NEXMIF: variants seen among roughly 807,000 people sequenced by gnomAD.
NEXMIF encodes the protein XLMR protein related to neurite extension.
NEXMIF carries 8 observed loss-of-function variants against 62.1 expected under a neutral mutation model. That is an observed-to-expected ratio of 0.13 (90% CI 0.08 to 0.23). NEXMIF has a LOEUF of 0.23. Ranked by LOEUF, NEXMIF falls within the 10% of genes least tolerant of loss-of-function variation. NEXMIF has a pLI of 1.00. For missense variants in NEXMIF, 976 were observed against 1,113.3 expected, an observed-to-expected ratio of 0.88 and a Z score of 1.75; for synonymous variants, 404 against 416.6, an observed-to-expected ratio of 0.97 and a Z score of 0.37.
chrX:74,767,871 C>T (rs1317576858), intron 1 of NEXMIF, among the ~76,000 whole-genome samples: 2 of 112,229 alleles, frequency 1.8e-5, no homozygotes, highest in African/African-American at 6.5e-5. Flanking sequence ...AAGTTCCAAG[C>T]CAGTGGGTCT....
rs1472053596 is a variant in NEXMIF at position 74,925,179 on chromosome X, C to T, written c.-344G>A. ...CTGGCCCTGAAACTCAGAGCCTCCG[C>T]GGCTGCCCGGCTGCTCCAAGGGTCC... On this transcript the variant is annotated 5_prime_UTR_variant, in exon 1 of 4. Coordinates refer to ENST00000055682, the MANE Select transcript of NEXMIF (RefSeq NM_001008537.3). 8.6e-6 allele frequency: 1 copy of T among 115,839 alleles called. No individual in the cohort carries two copies. Among genetic ancestry groups the T allele is most frequent in the African/African-American group, 3.2e-5 (1 of 31,208 alleles). The allele number at this position is 115,839 out of a possible 1,213,427, so 9.5% of individuals were successfully genotyped here. A position where few individuals can be genotyped will look rare whatever the true frequency, so the allele number is the denominator to read the frequency against.
chrX:74,855,904 A>G (rs185727132), intron 1 of NEXMIF, among the ~76,000 whole-genome samples: 1 of 112,658 alleles, frequency 8.9e-6, no homozygotes, highest in East Asian at 2.8e-4. Flanking sequence ...CAGGAAAGTC[A>G]CTAAACAAAC....
chrX:74,885,694 T>A (rs1417922686), intron 1 of NEXMIF, among the ~76,000 whole-genome samples: 2 of 111,816 alleles, frequency 1.8e-5, no homozygotes, highest in Non-Finnish European at 3.8e-5. Context: ...ACCAGACGGA[T>A]TCACAGCTGA....
chrX:74,778,649 C>T (rs1439363350), intron 1 of NEXMIF, among the ~76,000 whole-genome samples: 2 of 111,894 alleles, frequency 1.8e-5, no homozygotes, highest in Admixed American at 9.5e-5. Flanking sequence ...ACAGCTTTAC[C>T]ATCATTATAG....
chrX:74,761,464 C>A (rs2080175688), intron 1 of NEXMIF, among the ~76,000 whole-genome samples: 1 of 110,956 alleles, frequency 9.0e-6, no homozygotes, highest in Admixed American at 9.6e-5. Context: ...ATGTATGTGT[C>A]CAGGAATTTA....
intron 1 of NEXMIF, among the ~76,000 whole-genome samples, chrX:74,846,553 T>C (rs943284026): frequency 8.0e-5 from 9 of 112,108 alleles, no homozygotes; most frequent in Non-Finnish European, 1.5e-4. Flanking sequence ...ACAGAAGAAC[T>C]TGAGGGTGCT....
In NEXMIF at chrX:74,796,199, T is replaced by C. The variant is rs1300584904; in HGVS notation, c.-47-50502A>G. The stretch of plus-strand genomic sequence containing the variant: ...TATATATACATATATATTATATATA[T>C]ACATATATATTATATATATATACAT... On this transcript the variant is annotated intron_variant, in intron 1 of 3. Transcript: ENST00000055682. 6.0e-5 allele frequency among the ~76,000 whole-genome samples: 4 copies of C among 66,931 alleles called. No homozygotes were observed. In the East Asian group the frequency reaches 1.2e-3, roughly 20 times the overall value. The allele number at this position is 66,931 out of a possible 115,157, so 58.1% of individuals were successfully genotyped here.
intron 1 of NEXMIF, among the ~76,000 whole-genome samples, chrX:74,794,883 C>T (rs1282091649): frequency 1.8e-5 from 2 of 111,800 alleles, no homozygotes; most frequent in African/African-American, 6.5e-5. Context: ...GTCTGGCACT[C>T]CCTAGTGAGA....
At chrX:74,770,590 T>C (rs2080207039) in intron 1 of NEXMIF, among the ~76,000 whole-genome samples, 1 of 112,325 alleles carries the variant, frequency 8.9e-6, no homozygotes, top group African/African-American at 3.2e-5. Flanking sequence ...TATTGCATGA[T>C]GTGCAACCAT....
intron 1 of NEXMIF, among the ~76,000 whole-genome samples, chrX:74,884,606 T>C (rs1369218801): frequency 1.8e-5 from 2 of 111,863 alleles, no homozygotes; most frequent in South Asian, 3.7e-4. Flanking sequence ...CTATCCTAAA[T>C]ATATATGCGC....
chrX:74,796,229 A>ATAC (rs1406436781), intron 1 of NEXMIF, among the ~76,000 whole-genome samples: 2 of 60,626 alleles, frequency 3.3e-5, no homozygotes, highest in African/African-American at 6.9e-5. Flanking sequence ...ATACATATAT[A>ATAC]ATATATATAT....
At chrX:74,790,552 T>C (rs1418174118) in intron 1 of NEXMIF, among the ~76,000 whole-genome samples, 2 of 112,183 alleles carry the variant, frequency 1.8e-5, no homozygotes, top group Non-Finnish European at 3.8e-5. Context: ...ATTGAATCTG[T>C]AAATTACCTT....
In NEXMIF at chrX:74,740,495, G is replaced by C; in HGVS notation, c.4062C>G (p.Phe1354Leu). ...TTAGACTATTGGACTCAGGGGAGTA[G>C]AATATGTTGGGATCCCCATGGTGCT... Reference protein sequence around the residue: ...PMEHHGDPNIFYSPESNSLKL... With the variant: ...PMEHHGDPNILYSPESNSLKL... Residue 1354 changes from phenylalanine to leucine, a missense_variant, in exon 3 of 4, where the codon TTC (phenylalanine) becomes TTG (leucine). Physicochemically the swap from Phe to Leu is conservative, Grantham distance 22. Coordinates refer to ENST00000055682, the MANE Select transcript of NEXMIF (RefSeq NM_001008537.3). 2.5e-6 allele frequency: 3 copies of C among 1,211,574 alleles called. No individual in the cohort carries two copies. Among genetic ancestry groups the C allele is most frequent in the Non-Finnish European group, 3.4e-6 (3 of 895,317 alleles).
At chrX:74,830,314 C>T (rs768431853) in intron 1 of NEXMIF, among the ~76,000 whole-genome samples, 2 of 111,988 alleles carry the variant, frequency 1.8e-5, no homozygotes, top group South Asian at 7.4e-4. Context: ...ACAGTCCTTT[C>T]TCCATTGTAT....
rs2080083940 is a variant in NEXMIF at position 74,735,907 on chromosome X, C to A, written c.*3498G>T. The A allele has an allele frequency of 9.0e-6, 1 of 111,568 alleles. No homozygotes were observed. Among genetic ancestry groups the A allele is most frequent in the Admixed American group, 9.6e-5 (1 of 10,458 alleles). 9.2% of individuals were successfully genotyped at this position (111,568 alleles called of 1,213,427 possible). A position where few individuals can be genotyped will look rare whatever the true frequency, so the allele number is the denominator to read the frequency against. ...ACCCCCAAAGTCTCAATACCCTTCT[C>A]CATATAATATAGCACCTAACCAGGG... On this transcript the variant is annotated 3_prime_UTR_variant, in exon 4 of 4. Coordinates refer to ENST00000055682, the MANE Select transcript of NEXMIF (RefSeq NM_001008537.3).
intron 1 of NEXMIF, among the ~76,000 whole-genome samples, chrX:74,761,718 C>T (rs2080176712): frequency 1.8e-5 from 2 of 110,468 alleles, no homozygotes; most frequent in African/African-American, 6.6e-5. Flanking sequence ...GTGTCTTGAC[C>T]TCCTTCAGTT....
chrX:74,841,475 C>T (rs990836783), intron 1 of NEXMIF, among the ~76,000 whole-genome samples: 1 of 111,610 alleles, frequency 9.0e-6, no homozygotes, highest in Non-Finnish European at 1.9e-5. Flanking sequence ...TTATTTCTTT[C>T]TCTTGCCTGA....
chrX:74,847,821 AATATT>A (rs748782009), intron 1 of NEXMIF, among the ~76,000 whole-genome samples: 5 of 111,188 alleles, frequency 4.5e-5, no homozygotes, highest in African/African-American at 1.6e-4. Flanking sequence ...TAATAATAAT[AATATT>A]AAATTAAATT....
chrX:74,769,279 A>C (rs1173238148), intron 1 of NEXMIF, among the ~76,000 whole-genome samples: 1 of 110,920 alleles, frequency 9.0e-6, no homozygotes, highest in Admixed American at 9.7e-5. Flanking sequence ...TATCTCCAGG[A>C]CTCGGTACAG....
Sources: allele counts gnomAD v4.1 joint callset (sites outside exome capture counted in the v4.1 genomes callset), GRCh38; gene constraint gnomAD v4.1.1; transcripts MANE v1.5; gene names NCBI Gene and HGNC (gene_info 2026-07-23, HGNC 2026-07-21).